The following MTREX variants were observed in gnomAD, a reference collection of about 807,000 sequenced individuals.
MTREX encodes the protein Mtr4 exosome RNA helicase, also known as exosome RNA helicase MTR4.
A neutral mutation model predicts 135.4 loss-of-function variants in MTREX; 76 were observed. The ratio of observed to expected loss-of-function variants is 0.56; its 90% CI spans 0.47 to 0.68. The LOEUF (loss-of-function observed/expected upper bound fraction) is 0.68, where lower values mean the gene tolerates loss of function less well. Ranked by LOEUF, MTREX falls within the 30% of genes least tolerant of loss-of-function variation. The pLI, the probability that MTREX is intolerant of heterozygous loss-of-function variation, is 0.00. For missense variants in MTREX, 920 were observed against 1,262.1 expected, an observed-to-expected ratio of 0.73 and a Z score of 4.11; for synonymous variants, 404 against 401.6, an observed-to-expected ratio of 1.01 and a Z score of -0.07.
intron 16 of MTREX, among the ~76,000 whole-genome samples, chr5:55,369,614 G>T (rs1488429788): frequency 1.3e-5 from 2 of 152,138 alleles, no homozygotes; most frequent in African/African-American, 4.8e-5. Flanking sequence ...GTATGACTTA[G>T]AGCAGGATTC....
intron 18 of MTREX, among the ~76,000 whole-genome samples, chr5:55,385,213 G>C (rs962264490): frequency 6.6e-6 from 1 of 152,138 alleles, no homozygotes; most frequent in Non-Finnish European, 1.5e-5. Flanking sequence ...AGGGGCATAG[G>C]TGGAGGGTTG....
At chr5:55,327,103 G>A (rs1037938142) in intron 3 of MTREX, among the ~76,000 whole-genome samples, 1 of 152,192 alleles carries the variant, frequency 6.6e-6, no homozygotes, top group Non-Finnish European at 1.5e-5. Flanking sequence ...ATCACTGATG[G>A]ACATTTGGGT....
chr5:55,399,836 C>G (rs1256625450), intron 20 of MTREX, among the ~76,000 whole-genome samples: 1 of 152,108 alleles, frequency 6.6e-6, no homozygotes, highest in Admixed American at 6.5e-5. Context: ...AGTGCCCTCC[C>G]TAGGCATCAA....
Position 55,388,049 on chromosome 5 carries a change from T to A in MTREX, c.2128T>A (p.Ser710Thr). 6.2e-7 allele frequency: 1 copy of A among 1,609,500 alleles called. No individual in the cohort carries two copies. The change falls in exon 19 of 27, where the codon TCA (serine) becomes ACA (threonine). Residue 710 changes from serine (S) to threonine (T), a missense_variant. By Grantham distance (58) the Ser-to-Thr change is moderately conservative. Coordinates refer to ENST00000230640, the MANE Select transcript of MTREX (RefSeq NM_015360.5). ...CTGTAGCAAAGAGAGCTTGAAAAAT[T>A]CAGCTACAGAAGCTGCAAAACCAGC... ...LRCSKESLKN[S>T]ATEAAKPAKP...
At chr5:55,336,338 G>T (rs145680306) in intron 5 of MTREX, among the ~76,000 whole-genome samples, 1 of 152,082 alleles carries the variant, frequency 6.6e-6, no homozygotes, top group Non-Finnish European at 1.5e-5. Context: ...TAAGTATGAC[G>T]TTAGCTGTTT....
intron 24 of MTREX, among the ~76,000 whole-genome samples, chr5:55,415,647 ATAAT>A (rs753829664): frequency 5.9e-5 from 9 of 152,242 alleles, no homozygotes; most frequent in Non-Finnish European, 1.0e-4. Context: ...TTGTAATGAA[ATAAT>A]TAGAGATTAG....
chr5:55,346,417 A>G (rs1749734238), intron 10 of MTREX, among the ~76,000 whole-genome samples: 1 of 152,120 alleles, frequency 6.6e-6, no homozygotes, highest in African/African-American at 2.4e-5. Context: ...CAGATTATGT[A>G]TTTTGCCCTG....
intron 5 of MTREX, among the ~76,000 whole-genome samples, chr5:55,337,107 C>T (rs759763783): frequency 1.3e-5 from 2 of 151,680 alleles, no homozygotes; most frequent in Admixed American, 6.6e-5. Context: ...TTTGGTAAAC[C>T]GTGTCTATCT....
At chr5:55,348,490 T>C (rs911138333) in intron 11 of MTREX, among the ~76,000 whole-genome samples, 2 of 152,224 alleles carry the variant, frequency 1.3e-5, no homozygotes, top group South Asian at 2.1e-4. Context: ...CTCTGCCTTT[T>C]GCACATGTAA....
At chr5:55,334,151 A>G (rs4865936) in intron 5 of MTREX, among the ~76,000 whole-genome samples, 31,952 of 152,036 alleles carry the variant, frequency 0.21, 4,551 homozygotes, top group African/African-American at 0.39. Flanking sequence ...CATATTGGTG[A>G]GGGACAGGGA....
intron 25 of MTREX, among the ~76,000 whole-genome samples, chr5:55,422,105 T>C (rs1751064080): frequency 6.6e-6 from 1 of 152,210 alleles, no homozygotes; most frequent in Non-Finnish European, 1.5e-5. Flanking sequence ...ATTCCTAATG[T>C]ATTTCATATA....
At chr5:55,337,282 A>T (rs981518148) in intron 5 of MTREX, among the ~76,000 whole-genome samples, 1 of 151,856 alleles carries the variant, frequency 6.6e-6, no homozygotes, top group Non-Finnish European at 1.5e-5. Context: ...TACCACACCC[A>T]GCTAATTTTT....
chr5:55,312,144 A>G (rs1311220972), intron 1 of MTREX, among the ~76,000 whole-genome samples: 2 of 152,008 alleles, frequency 1.3e-5, no homozygotes, highest in African/African-American at 2.4e-5. Context: ...CACAGTGGCG[A>G]TTTTCTGTTT....
chr5:55,386,651 C>T (rs1355146995), intron 18 of MTREX, among the ~76,000 whole-genome samples: 1 of 152,050 alleles, frequency 6.6e-6, no homozygotes, highest in Non-Finnish European at 1.5e-5. Flanking sequence ...ATAGTCACTT[C>T]TGTGATTGTT....
chr5:55,362,956 A>G (rs1012219902), intron 15 of MTREX, among the ~76,000 whole-genome samples: 2 of 152,194 alleles, frequency 1.3e-5, no homozygotes, highest in South Asian at 2.1e-4. Context: ...TCAAAATAAA[A>G]CCATTTCTAT....
At chr5:55,424,536 G>T in intron 26 of MTREX, 184 bp from the exon 27 acceptor site, 1 of 561,314 alleles carries the variant, frequency 1.8e-6, no homozygotes. Context: ...GGTCTGGCTT[G>T]TATGTTTTCC....
chr5:55,411,755 A>G (rs1016918316), intron 23 of MTREX, among the ~76,000 whole-genome samples: 4 of 152,182 alleles, frequency 2.6e-5, no homozygotes, highest in African/African-American at 9.7e-5. Flanking sequence ...ATTACTTTAC[A>G]AAATATTGTG....
rs559686138 is a variant in MTREX at position 55,417,614 on chromosome 5, G to A, written c.2971+1482G>A. On this transcript the variant is annotated intron_variant, in intron 25 of 26. Transcript: ENST00000230640. ...GTTAATGGTGTTTAGCCGAGTCAGT[G>A]AGAAGAGGGATGTTGCGTACTCACT... 3.3e-5 allele frequency among the ~76,000 whole-genome samples: 5 copies of A among 152,316 alleles called. No homozygotes were observed. The East Asian group carries it at 9.7e-4, about 29-fold the overall frequency.
Position 55,323,378 on chromosome 5 carries a change from T to A in MTREX, c.273-754T>A, listed in dbSNP as rs112199992. 6.1e-3 allele frequency among the ~76,000 whole-genome samples: 926 copies of A among 152,252 alleles called. 7 individuals carry two copies. The highest frequency in any genetic ancestry group is 0.022 in the African/African-American group (893 of 41,532). On this transcript the variant is annotated intron_variant, in intron 2 of 26. Transcript: ENST00000230640. ...ATCCAGTTTTGCCTTTTCAGAGTCT[T>A]AACAGAGGACCTAGATAGCATAATG...
Sources: allele counts gnomAD v4.1 joint callset (sites outside exome capture counted in the v4.1 genomes callset), GRCh38; gene constraint gnomAD v4.1.1; transcripts MANE v1.5; gene names NCBI Gene and HGNC (gene_info 2026-07-23, HGNC 2026-07-21).